The following VEZT variants were observed in gnomAD, a reference collection of about 807,000 sequenced individuals.
VEZT encodes vezatin.
In VEZT, 39 loss-of-function variants were observed where a neutral mutation model predicts 79.9. The ratio of observed to expected loss-of-function variants is 0.49; its 90% CI spans 0.38 to 0.64. The LOEUF is 0.64. Ranked by LOEUF, VEZT falls within the 30% of genes least tolerant of loss-of-function variation. The pLI, the probability that VEZT is intolerant of heterozygous loss-of-function variation, is 0.00. For synonymous variants in VEZT, 325 were observed against 327.6 expected, an observed-to-expected ratio of 0.99 and a Z score of 0.09; for missense variants, 837 against 893.1, an observed-to-expected ratio of 0.94 and a Z score of 0.80.
chr12:95,295,337 T>C (rs2073900886), intron 10 of VEZT, among the ~76,000 whole-genome samples: 1 of 151,536 alleles, frequency 6.6e-6, no homozygotes, highest in Admixed American at 6.6e-5. Flanking sequence ...ATTTTTGTAG[T>C]TTTTAGTAGA....
chr12:95,241,100 A>G (rs981371134), intron 1 of VEZT, among the ~76,000 whole-genome samples: 1 of 151,962 alleles, frequency 6.6e-6, no homozygotes, highest in Non-Finnish European at 1.5e-5. Context: ...CAGTGGCGCT[A>G]TCTCAGCTGC....
At position 95,281,518 on chromosome 12, in the gene VEZT, A is replaced by G. The variant is rs1314213505; in HGVS notation, c.997-795A>G. ...AATTAATTAAAATAATGGGTTTTGC[A>G]ATTTCTCATGTCAGACATTCCTGGA... On this transcript the variant is annotated intron_variant, in intron 7 of 11. Transcript: ENST00000436874. 2.0e-5 allele frequency among the ~76,000 whole-genome samples: 3 copies of G among 151,314 alleles called. No homozygotes were observed. The Admixed American group carries it at 2.0e-4, about 10-fold the overall frequency.
intron 9 of VEZT, among the ~76,000 whole-genome samples, chr12:95,291,060 T>A (rs1260050980): frequency 6.6e-6 from 1 of 152,044 alleles, no homozygotes; most frequent in Non-Finnish European, 1.5e-5. Context: ...AAACCAGTAG[T>A]TTGAGACCAG....
intron 4 of VEZT, among the ~76,000 whole-genome samples, chr12:95,265,741 C>T (rs552720850): frequency 9.9e-5 from 15 of 152,084 alleles, no homozygotes; most frequent in Non-Finnish European, 2.2e-4. Flanking sequence ...TTGGCAAAAT[C>T]TTCACAGAAG....
At chr12:95,298,110 ACT>A (rs1300859079) in intron 11 of VEZT, among the ~76,000 whole-genome samples, 127 of 150,880 alleles carry the variant, frequency 8.4e-4, no homozygotes, top group African/African-American at 2.9e-3. Context: ...ACAGAGTGAG[ACT>A]CTCTCTCAAA....
At chr12:95,237,264 A>G (rs557751290) in intron 1 of VEZT, among the ~76,000 whole-genome samples, 1 of 152,112 alleles carries the variant, frequency 6.6e-6, no homozygotes, top group Non-Finnish European at 1.5e-5. Context: ...ATCTAAAATG[A>G]GCCATGCCTC....
chr12:95,278,978 G>A (rs560205616), intron 7 of VEZT, among the ~76,000 whole-genome samples: 1 of 152,362 alleles, frequency 6.6e-6, no homozygotes, highest in South Asian at 2.1e-4. Flanking sequence ...GCTGAGGCAG[G>A]AGAATCGCTT....
At chr12:95,237,648 T>A (rs74728685) in intron 1 of VEZT, among the ~76,000 whole-genome samples, 1,984 of 152,322 alleles carry the variant, frequency 0.013, 45 homozygotes, top group African/African-American at 0.044. Context: ...TGTTTTGTTT[T>A]TATTATCTTG....
chr12:95,253,328 T>A (rs949206296), intron 2 of VEZT, among the ~76,000 whole-genome samples: 1 of 152,176 alleles, frequency 6.6e-6, no homozygotes, highest in African/African-American at 2.4e-5. Flanking sequence ...ACACCTAAAA[T>A]GTGAGGTAAC....
At chr12:95,240,786 G>A (rs562233484) in intron 1 of VEZT, among the ~76,000 whole-genome samples, 8 of 152,194 alleles carry the variant, frequency 5.3e-5, no homozygotes, top group East Asian at 1.9e-4. Flanking sequence ...ATCAGTCATC[G>A]TCCCAAAATA....
chr12:95,219,202 G>C lies in VEZT; in HGVS notation c.36+1316G>C, dbSNP rs551305194. The stretch of plus-strand genomic sequence containing the variant: ...GAGAGAAATATTTTCTAGAGTAAGG[G>C]TAACTGATGGGTGTATTTTTTTTAC... On this transcript the variant is annotated intron_variant, in intron 1 of 11. Transcript: ENST00000436874. 7.6e-4 allele frequency among the ~76,000 whole-genome samples: 116 copies of C among 152,234 alleles called. 1 individual carries two copies. Among genetic ancestry groups the C allele is most frequent in the African/African-American group, 2.7e-3 (111 of 41,516 alleles).
rs1422571697 is a variant in VEZT, at chr12:95,257,156, A to G, written c.175A>G (p.Ile59Val). ...TGTCATTCATTTCCTTCAGCAAGGT[A>G]TCCTGTTAAAAGTGGCTGAAACCAT... ...PPTRVLPKQG[I>V]LLKVAETIKS... The change falls in exon 3 of 12, where the codon ATC (isoleucine) becomes GTC (valine). Residue 59 changes from isoleucine to valine, a missense_variant. Transcript: ENST00000436874. 11 of 1,609,680 alleles carry G rather than the reference A, an allele frequency of 6.8e-6. No individual in the cohort carries two copies. In the East Asian group the frequency reaches 1.8e-4, roughly 26 times the overall value.
Position 95,282,647 on chromosome 12 carries a change from A to C in VEZT, c.1328+3A>C. On this transcript the variant is annotated splice_donor_region_variant and intron_variant, in intron 8 of 11. Coordinates refer to ENST00000436874, the MANE Select transcript of VEZT (RefSeq NM_017599.4). ...CATCTGAAAGCATTACTGAATGAGT[A>C]AGTTTAGAAATTATACCAAGAAAGG... The C allele has an allele frequency of 6.3e-7, 1 of 1,581,116 alleles. No homozygotes were observed. The highest frequency in any genetic ancestry group is 2.2e-5 in the East Asian group (1 of 44,452).
intron 6 of VEZT, among the ~76,000 whole-genome samples, chr12:95,272,147 C>T (rs1001318165): frequency 1.3e-5 from 2 of 151,716 alleles, no homozygotes; most frequent in Admixed American, 6.6e-5. Context: ...CCAGCCTGGG[C>T]AACAGAGTGA....
chr12:95,294,125 G>T, intron 9 of VEZT, 147 bp from the exon 10 acceptor site: 1 of 571,560 alleles, frequency 1.7e-6, no homozygotes. Context: ...GGGCTCAAGC[G>T]ATCCTCCTGC....
At chr12:95,298,995 G>A (rs1445328369) in intron 11 of VEZT, 1 of 154,768 alleles carries the variant, frequency 6.5e-6, no homozygotes, top group African/African-American at 2.4e-5. Context: ...TGCTGTTTTA[G>A]TTTGTGAAAA....
At chr12:95,230,435 T>G (rs75974116) in intron 1 of VEZT, among the ~76,000 whole-genome samples, 1 of 140,606 alleles carries the variant, frequency 7.1e-6, no homozygotes, top group Non-Finnish European at 1.5e-5. Context: ...TTTTTTTTTT[T>G]GAGACAGTCT....
At chr12:95,245,419 CTTGATAATGT>C in intron 1 of VEZT, 1 of 440,584 alleles carries the variant, frequency 2.3e-6, no homozygotes, top group Non-Finnish European at 4.5e-6. Flanking sequence ...TCAATATTTC[CTTGATAATGT>C]TGAAAGCTTG....
intron 1 of VEZT, among the ~76,000 whole-genome samples, chr12:95,249,344 G>A (rs1278692598): frequency 2.0e-5 from 3 of 152,016 alleles, no homozygotes; most frequent in Non-Finnish European, 2.9e-5. Context: ...AAATGAACTG[G>A]CATTCTTGTT....
Sources: allele counts gnomAD v4.1 joint callset (sites outside exome capture counted in the v4.1 genomes callset), GRCh38; gene constraint gnomAD v4.1.1; transcripts MANE v1.5; gene names NCBI Gene and HGNC (gene_info 2026-07-23, HGNC 2026-07-21).